The following RNLS variants were observed in gnomAD, a reference collection of about 807,000 sequenced individuals.
RNLS encodes renalase.
In RNLS, 39 loss-of-function variants were observed where a neutral mutation model predicts 39.8. The observed-to-expected ratio is 0.98, with a 90% confidence interval of 0.76 to 1.28. RNLS has a LOEUF of 1.28. RNLS is among the 50% of genes most tolerant of loss of function. RNLS has a pLI of 0.00. For missense variants in RNLS, 410 were observed against 413.3 expected (o/e 0.99, Z 0.07); for synonymous variants, 147 against 150.7 (o/e 0.98, Z 0.18).
chr10:88,240,875 G>A, the RNLS span, among the ~76,000 whole-genome samples: 5 of 151,318 alleles, frequency 3.3e-5, no homozygotes, highest in Non-Finnish European at 5.9e-5. Flanking sequence ...ATATCATGGA[G>A]CTATGATTTA....
At chr10:88,349,893 T>G (rs1848562426) in intron 5 of RNLS, among the ~76,000 whole-genome samples, 1 of 152,076 alleles carries the variant, frequency 6.6e-6, no homozygotes. Flanking sequence ...TAAATTGCTT[T>G]AACAGATTTA....
intron 4 of RNLS, among the ~76,000 whole-genome samples, chr10:88,505,770 A>C (rs1248647055): frequency 2.6e-5 from 4 of 152,140 alleles, no homozygotes; most frequent in Non-Finnish European, 5.9e-5. Flanking sequence ...GAGATCTAGC[A>C]GTCACTATGT....
chr10:88,211,461 A>G, the RNLS span, among the ~76,000 whole-genome samples: 2 of 152,224 alleles, frequency 1.3e-5, no homozygotes, highest in Admixed American at 1.3e-4. Flanking sequence ...AAGTGCTATG[A>G]GCAAAAAGCA....
intron 4 of RNLS, among the ~76,000 whole-genome samples, chr10:88,410,650 T>C (rs1051141457): frequency 1.3e-4 from 20 of 152,128 alleles, no homozygotes; most frequent in Admixed American, 6.6e-4. Flanking sequence ...ATCAACTGAG[T>C]TTGGAACCAC....
chr10:88,576,261 G>T (rs1409400508), intron 3 of RNLS, among the ~76,000 whole-genome samples: 2 of 152,092 alleles, frequency 1.3e-5, no homozygotes, highest in South Asian at 4.1e-4. Context: ...CAGAGGCCAG[G>T]ATCATGTCTC....
At chr10:88,411,241 G>A (rs1853636152) in intron 4 of RNLS, among the ~76,000 whole-genome samples, 1 of 152,070 alleles carries the variant, frequency 6.6e-6, no homozygotes, top group African/African-American at 2.4e-5. Context: ...CAAAACCTTA[G>A]TGGAGACCTA....
At chr10:88,423,039 G>A (rs1200590449) in intron 4 of RNLS, among the ~76,000 whole-genome samples, 1 of 152,156 alleles carries the variant, frequency 6.6e-6, no homozygotes, top group Non-Finnish European at 1.5e-5. Flanking sequence ...GTGAGCCACG[G>A]TGCCTGGCCT....
At chr10:88,361,688 G>A (rs562947474) in intron 5 of RNLS, among the ~76,000 whole-genome samples, 1 of 152,174 alleles carries the variant, frequency 6.6e-6, no homozygotes, top group Non-Finnish European at 1.5e-5. Flanking sequence ...CATTATGAAG[G>A]TCTGGCGAGC....
chr10:88,303,726 A>T (rs1191450674), intron 6 of RNLS, among the ~76,000 whole-genome samples: 1 of 152,088 alleles, frequency 6.6e-6, no homozygotes, highest in Admixed American at 6.5e-5. Context: ...TACCTCCATC[A>T]GTGCCCCACC....
intron 4 of RNLS, among the ~76,000 whole-genome samples, chr10:88,463,802 T>C (rs1238894808): frequency 1.3e-5 from 2 of 152,052 alleles, no homozygotes; most frequent in Non-Finnish European, 2.9e-5. Context: ...TCCTAGGTTC[T>C]TAAGTTACCT....
chr10:88,196,654 C>T, the RNLS span, among the ~76,000 whole-genome samples: 1 of 152,154 alleles, frequency 6.6e-6, no homozygotes, highest in South Asian at 2.1e-4. Flanking sequence ...CATAAAGAAC[C>T]CATAGCATGG....
intron 4 of RNLS, among the ~76,000 whole-genome samples, chr10:88,524,939 T>C (rs1307052054): frequency 4.5e-5 from 6 of 131,934 alleles, no homozygotes; most frequent in Non-Finnish European, 7.9e-5. Flanking sequence ...GCCATATATA[T>C]ATATATATGG....
At chr10:88,532,730 C>T (rs1716010911) in intron 4 of RNLS, among the ~76,000 whole-genome samples, 1 of 151,954 alleles carries the variant, frequency 6.6e-6, no homozygotes. Context: ...CTAATAATTA[C>T]AGTATCAATA....
At chr10:88,395,235 TGA>T (rs1491579880) in intron 4 of RNLS, among the ~76,000 whole-genome samples, 1 of 73,990 alleles carries the variant, frequency 1.4e-5, no homozygotes, top group Non-Finnish European at 2.5e-5. Context: ...CTTTAAAAGA[TGA>T]AAAAAAAAAA....
At chr10:88,437,298 T>C (rs1841464838) in intron 4 of RNLS, among the ~76,000 whole-genome samples, 1 of 152,162 alleles carries the variant, frequency 6.6e-6, no homozygotes, top group South Asian at 2.1e-4. Flanking sequence ...TAACATTTGC[T>C]TGCAGAAAAG....
chr10:88,466,549 A>G (rs1470347999), intron 4 of RNLS, among the ~76,000 whole-genome samples: 1 of 152,126 alleles, frequency 6.6e-6, no homozygotes, highest in Non-Finnish European at 1.5e-5. Context: ...CTATTGTTCA[A>G]TTCAGCTTTC....
intron 4 of RNLS, among the ~76,000 whole-genome samples, chr10:88,439,034 A>G (rs1373551064): frequency 6.6e-6 from 1 of 152,188 alleles, no homozygotes; most frequent in Non-Finnish European, 1.5e-5. Flanking sequence ...GTACTGATAC[A>G]CACAGGTCAA....
chr10:88,396,211 C>T (rs1193173631), intron 4 of RNLS, among the ~76,000 whole-genome samples: 3 of 151,996 alleles, frequency 2.0e-5, no homozygotes, highest in Admixed American at 1.3e-4. Context: ...AAATTTCTTT[C>T]TGTTTGTAGC....
Position 88,284,976 on chromosome 10 carries a change from G to A in RNLS, c.*378C>T. 1 of 990,874 alleles carries A rather than the reference G, an allele frequency of 1.0e-6. No individual in the cohort carries two copies. Among genetic ancestry groups the A allele is most frequent in the Non-Finnish European group, 1.2e-6 (1 of 833,706 alleles). 61.4% of individuals were successfully genotyped at this position (990,874 alleles called of 1,614,324 possible). On this transcript the variant is annotated 3_prime_UTR_variant, in exon 7 of 7. Transcript: ENST00000331772. ...AGACTTAAGATGGGGCTTTGATAAT[G>A]TGATTATTCTTTATTCAGAATTGAA...
Sources: allele counts gnomAD v4.1 joint callset (sites outside exome capture counted in the v4.1 genomes callset), GRCh38; gene constraint gnomAD v4.1.1; transcripts MANE v1.5; gene names NCBI Gene and HGNC (gene_info 2026-07-23, HGNC 2026-07-21).